The following HNRNPR variants were observed in gnomAD, a reference collection of about 807,000 sequenced individuals.
HNRNPR encodes heterogeneous nuclear ribonucleoprotein R.
Under a neutral mutation model 70.3 loss-of-function variants are expected in HNRNPR, and 4 were observed. The ratio of observed to expected loss-of-function variants is 0.06; its 90% confidence interval spans 0.03 to 0.13. The LOEUF (loss-of-function observed/expected upper bound fraction) is 0.13, where lower values mean the gene tolerates loss of function less well. Among genes scored for constraint, HNRNPR ranks in the 10% least tolerant of loss-of-function variants. The probability of loss-of-function intolerance (pLI) is 1.00; values close to 1 mark genes in which losing one functional copy is unlikely to be tolerated. For synonymous variants in HNRNPR, 241 were observed against 267.6 expected (o/e 0.90, Z 0.97); for missense variants, 423 against 788.5 (o/e 0.54, Z 5.55).
At chr1:23,336,116 C>CAAAAAAAAAAAAAAAAAAAA (rs71020498) in intron 4 of HNRNPR, among the ~76,000 whole-genome samples, 5 of 49,482 alleles carry the variant, frequency 1.0e-4, no homozygotes, top group African/African-American at 3.2e-4. Flanking sequence ...GACTCCGTCT[C>CAAAAAAAAAAAAAAAAAAAA]AAAAAAAAAA....
At chr1:23,321,473 G>GT in intron 7 of HNRNPR, 55 bp downstream of exon 7, 2 of 1,486,318 alleles carry the variant, frequency 1.3e-6, no homozygotes, top group South Asian at 2.4e-5. Flanking sequence ...TTGAGCACTT[G>GT]TAAGTAGTAC....
At position 23,307,990 on chromosome 1, in the gene HNRNPR, G is replaced by A. The variant is rs1645229352; in HGVS notation, c.*2464C>T. On this transcript the variant is annotated 3_prime_UTR_variant, in exon 11 of 11. Coordinates refer to ENST00000302271, the MANE Select transcript of HNRNPR (RefSeq NM_005826.5). The stretch of plus-strand genomic sequence containing the variant: ...TTCAGGTTTATATATTACACTGTTA[G>A]ATTTATTTATGTGAAAAGTTGAGCT... 1 of 151,692 alleles carries A rather than the reference G, an allele frequency of 6.6e-6. No individual in the cohort carries two copies. The highest frequency in any genetic ancestry group is 2.4e-5 in the African/African-American group (1 of 41,352). The allele number at this position is 151,692 out of a possible 1,614,324, so 9.4% of individuals were successfully genotyped here. A position where few individuals can be genotyped will look rare whatever the true frequency, so the allele number is the denominator to read the frequency against.
At chr1:23,330,606 T>C (rs1334905966) in intron 5 of HNRNPR, among the ~76,000 whole-genome samples, 2 of 152,124 alleles carry the variant, frequency 1.3e-5, no homozygotes, top group Non-Finnish European at 2.9e-5. Flanking sequence ...AATACAAAAA[T>C]ACTACAACTA....
At chr1:23,330,203 T>C (rs566473209) in intron 5 of HNRNPR, among the ~76,000 whole-genome samples, 15 of 152,110 alleles carry the variant, frequency 9.9e-5, no homozygotes, top group Admixed American at 2.6e-4. Context: ...TACACAGTCA[T>C]GACCTCCAAG....
intron 6 of HNRNPR, among the ~76,000 whole-genome samples, 195 bp downstream of exon 6, chr1:23,323,361 C>T (rs1299323694): frequency 6.6e-6 from 1 of 151,282 alleles, no homozygotes; most frequent in Non-Finnish European, 1.5e-5. Context: ...TAAAACATTA[C>T]TTTTTGGGTA....
At chr1:23,329,469 G>A (rs1325949206) in intron 5 of HNRNPR, among the ~76,000 whole-genome samples, 1 of 152,158 alleles carries the variant, frequency 6.6e-6, no homozygotes, top group African/African-American at 2.4e-5. Flanking sequence ...GTCATCTTCA[G>A]GTAACCCTCC....
At position 23,305,790 on chromosome 1, in the gene HNRNPR, T is replaced by C. The variant is rs1206624928; in HGVS notation, c.*4664A>G. ...ACAAAACACAAGTTGTTCATAGGTT[T>C]ATGTTTCTGCTATGTTCAAGGTCTT... is the stretch of plus-strand genomic sequence containing the variant. On this transcript the variant is annotated 3_prime_UTR_variant, in exon 11 of 11. Transcript: ENST00000302271. 1.3e-5 allele frequency: 2 copies of C among 152,204 alleles called. No homozygotes were observed. The highest frequency in any genetic ancestry group is 4.8e-5 in the African/African-American group (2 of 41,472). The allele number at this position is 152,204 out of a possible 1,614,324, so 9.4% of individuals were successfully genotyped here.
At chr1:23,328,358 TGG>T (rs1646079887) in intron 5 of HNRNPR, among the ~76,000 whole-genome samples, 1 of 152,200 alleles carries the variant, frequency 6.6e-6, no homozygotes, top group Non-Finnish European at 1.5e-5. Context: ...CAGGGCAATC[TGG>T]GAAAGAGATG....
At chr1:23,341,872 T>C (rs1646714824) in intron 1 of HNRNPR, among the ~76,000 whole-genome samples, 2 of 152,184 alleles carry the variant, frequency 1.3e-5, no homozygotes. Flanking sequence ...CTATCAAAAA[T>C]AATTTTGTAC....
rs1645250006 is a variant in HNRNPR, at chr1:23,309,112, C to CA, written c.*1341dup. On this transcript the variant is annotated 3_prime_UTR_variant, in exon 11 of 11. Transcript: ENST00000302271. ...GAAATAGATGTTATGTCTTGGCCAA[C>CA]AAAAAATTTGGGCATCAGGGATAGC... The CA allele has an allele frequency of 6.6e-6, 1 of 151,852 alleles. No homozygotes were observed. The highest frequency in any genetic ancestry group is 6.6e-5 in the Admixed American group (1 of 15,258). The allele number at this position is 151,852 out of a possible 1,614,324, so 9.4% of individuals were successfully genotyped here. A position where few individuals can be genotyped will look rare whatever the true frequency, so the allele number is the denominator to read the frequency against.
chr1:23,321,512 T>C lies in HNRNPR; in HGVS notation c.811+16A>G. 3 of 1,607,732 alleles carry C rather than the reference T, an allele frequency of 1.9e-6. No homozygotes were observed. The highest frequency in any genetic ancestry group is 2.6e-6 in the Non-Finnish European group (3 of 1,175,206). On this transcript the variant is annotated intron_variant, in intron 7 of 10. Coordinates refer to ENST00000302271, the MANE Select transcript of HNRNPR (RefSeq NM_005826.5). ...ATATTTCGCAAAAGTAATTTCTAAA[T>C]ACATTTTTGTTTTACCTGTGACTTT...
chr1:23,313,458 A>G, intron 9 of HNRNPR, 95 bp downstream of exon 9: 1 of 827,450 alleles, frequency 1.2e-6, no homozygotes, highest in Non-Finnish European at 1.9e-6. Context: ...AAAAGCTGAC[A>G]ACCAATATTG....
chr1:23,343,486 A>T lies in HNRNPR; in HGVS notation c.-10+725T>A, dbSNP rs566374019. ...CTTCCAAGAAGCCCTGGGCTTTTTT[A>T]AAAATTTGGCAATACGGCCACTACC... On this transcript the variant is annotated intron_variant, in intron 1 of 10. Coordinates refer to ENST00000302271, the MANE Select transcript of HNRNPR (RefSeq NM_005826.5). Among the ~76,000 whole-genome samples, 22 of 152,332 alleles carry T rather than the reference A, an allele frequency of 1.4e-4. No homozygotes were observed. In the South Asian group the frequency reaches 4.3e-3, roughly 30 times the overall value.
intron 9 of HNRNPR, among the ~76,000 whole-genome samples, chr1:23,312,901 C>A (rs1645389472): frequency 6.6e-6 from 1 of 152,012 alleles, no homozygotes; most frequent in Non-Finnish European, 1.5e-5. Context: ...AAAAAAGAAA[C>A]TGAAAATTTC....
chr1:23,333,483 G>A lies in HNRNPR; in HGVS notation c.498+35C>T, dbSNP rs2148451808. The A allele has an allele frequency of 3.0e-6, 4 of 1,350,520 alleles. No individual in the cohort carries two copies. The East Asian group carries it at 9.2e-5, about 31-fold the overall frequency. 83.7% of individuals were successfully genotyped at this position (1,350,520 alleles called of 1,614,324 possible). A position where few individuals can be genotyped will look rare whatever the true frequency, so the allele number is the denominator to read the frequency against. On this transcript the variant is annotated intron_variant, in intron 5 of 10. Transcript: ENST00000302271. Reference sequence around the variant, plus strand: ...TAGTAGATAAAACACTTTCCAAACTGGAAAGATCTTGGTAAACTGCTAAAG... The same window carrying A: ...TAGTAGATAAAACACTTTCCAAACTAGAAAGATCTTGGTAAACTGCTAAAG...
Position 23,322,100 on chromosome 1 carries a change from A to C in HNRNPR, c.676-437T>G, listed in dbSNP as rs1261799830. Among the ~76,000 whole-genome samples, 6 of 152,334 alleles carry C rather than the reference A, an allele frequency of 3.9e-5. No homozygotes were observed. In the South Asian group the frequency reaches 1.0e-3, roughly 26 times the overall value. ...AATGCAAAGATATTAGAAAAATTTC[A>C]AATTCTACAGAAGTCACAGAATTCT... On this transcript the variant is annotated intron_variant, in intron 6 of 10. Coordinates refer to ENST00000302271, the MANE Select transcript of HNRNPR (RefSeq NM_005826.5).
rs149942635 is a variant in HNRNPR at position 23,310,768 on chromosome 1, A to T, written c.1588T>A (p.Ser530Thr). 1.8e-5 allele frequency: 29 copies of T among 1,613,876 alleles called. No individual in the cohort carries two copies. In the African/African-American group the frequency reaches 3.6e-4, roughly 20 times the overall value. The change falls in exon 11 of 11, where the codon TCA becomes ACA. Residue 530 changes from serine to threonine, a missense_variant. Coordinates refer to ENST00000302271, the MANE Select transcript of HNRNPR (RefSeq NM_005826.5). The surrounding 1 kb of genome is among the most constrained non-coding windows in gnomAD (Gnocchi z 6.0). ...GGTCCCAAAGGTGCCCCCCTCTGTG[A>T]ATAGCCAGCTCTACCTCTTGGAGGT... The part of the protein sequence containing the change: ...APPPRGRAGY[S>T]QRGAPLGPPR...
At chr1:23,333,887 T>G (rs763211194) in intron 4 of HNRNPR, among the ~76,000 whole-genome samples, 3 of 152,158 alleles carry the variant, frequency 2.0e-5, no homozygotes, top group Admixed American at 6.5e-5. Context: ...TCATTTACTA[T>G]TACTCACATC....
At chr1:23,323,799 C>T (rs951777359) in intron 5 of HNRNPR, 67 bp from the exon 6 acceptor site, 19 of 1,336,196 alleles carry the variant, frequency 1.4e-5, no homozygotes, top group South Asian at 3.7e-5. Flanking sequence ...AAGCCTACTG[C>T]CTTTTTTTTT....
Sources: allele counts gnomAD v4.1 joint callset (sites outside exome capture counted in the v4.1 genomes callset), GRCh38; gene constraint gnomAD v4.1.1; non-coding constraint Gnocchi (gnomAD v3.1); transcripts MANE v1.5; gene names NCBI Gene and HGNC (gene_info 2026-07-23, HGNC 2026-07-21).